Variants in APOB observed in about 807,000 individuals in gnomAD.
The protein encoded by APOB is apolipoprotein B-100.
Under a neutral mutation model 314.1 loss-of-function variants are expected in APOB, and 153 were observed. The observed-to-expected ratio is 0.49, with a 90% CI of 0.43 to 0.56. The LOEUF is 0.56. Ranked by LOEUF, APOB falls within the 20% of genes least tolerant of loss-of-function variation. The probability of loss-of-function intolerance (pLI) is 0.00; values close to 1 mark genes in which losing one functional copy is unlikely to be tolerated. For missense variants in APOB, 5,430 were observed against 5,350.7 expected (o/e 1.01, Z -0.46); for synonymous variants, 2,087 against 2,036.4 (o/e 1.02, Z -0.67).
Position 21,007,164 on chromosome 2 carries a change from G to C in APOB, c.9704C>G (p.Ala3235Gly), listed in dbSNP as rs1453802428. 6.2e-7 allele frequency: 1 copy of C among 1,613,894 alleles called. No individual in the cohort carries two copies. The highest frequency in any genetic ancestry group is 8.5e-7 in the Non-Finnish European group (1 of 1,179,922). The change falls in exon 26 of 29, where the codon GCT becomes GGT. Residue 3235 changes from alanine to glycine, a missense_variant. By Grantham distance (60) the Ala-to-Gly change is moderately conservative. Transcript: ENST00000233242. ...GGGGAGCTCGTCGTGAGATTTTTCAGCTTTGTACTTATCAAACTTAATTTT... is the reference window on the plus strand; with the variant it reads ...GGGGAGCTCGTCGTGAGATTTTTCACCTTTGTACTTATCAAACTTAATTTT... ...ETKIKFDKYK[A>G]EKSHDELPRT...
chr2:21,002,679 T>C lies in APOB; in HGVS notation c.12743A>G (p.Asp4248Gly). 6.2e-7 allele frequency: 1 copy of C among 1,613,824 alleles called. No individual in the cohort carries two copies. Residue 4248 changes from aspartate (D) to glycine (G), a missense_variant, in exon 29 of 29, where the codon GAC (aspartate) becomes GGC (glycine). This residue lies in a region of APOB where 3,281 missense variants were observed against 3,171.0 expected (regional missense o/e 1.03). Transcript: ENST00000233242. ...CTCGAAAGGAAGTGTAATCACTAGG[T>C]CTTGGAAATAGGAAAACAGTATTTC... ...GSEILFSYFQ[D>G]LVITLPFELR...
intron 25 of APOB, among the ~76,000 whole-genome samples, chr2:21,012,954 T>A (rs1464264761): frequency 6.6e-6 from 1 of 152,262 alleles, no homozygotes; most frequent in Non-Finnish European, 1.5e-5. Context: ...CTTATCTGTC[T>A]ACTTTCTGTT....
Position 21,006,810 on chromosome 2 carries a change from T to G in APOB, c.10058A>C (p.Asn3353Thr). ...ATCTGACTGGTTAAAAAGTTCAGCA[T>G]TGGTATTCAGTGTGATGACACTTGA... The part of the protein sequence containing the change: ...FKSSVITLNT[N>T]AELFNQSDIV... The change falls in exon 26 of 29, where the codon AAT becomes ACT. Residue 3353 changes from asparagine (N) to threonine (T), a missense_variant. Around this residue, in one of 3 missense-constraint regions of APOB, gnomAD observed 3,281 missense variants for 3,171.0 expected, o/e 1.03. Coordinates refer to ENST00000233242, the MANE Select transcript of APOB (RefSeq NM_000384.3). 1 of 1,614,062 alleles carries G rather than the reference T, an allele frequency of 6.2e-7. No homozygotes were observed. The highest frequency in any genetic ancestry group is 8.5e-7 in the Non-Finnish European group (1 of 1,179,952).
At chr2:21,031,091 C>T (rs1460083861) in intron 10 of APOB, among the ~76,000 whole-genome samples, 1 of 152,188 alleles carries the variant, frequency 6.6e-6, no homozygotes, top group Non-Finnish European at 1.5e-5. Context: ...ATCCAACAAT[C>T]CCATTACTGG....
Position 21,011,846 on chromosome 2 carries a change from C to T in APOB, c.5022G>A (p.Glu1674=), listed in dbSNP as rs367718499. 5.0e-5 allele frequency: 81 copies of T among 1,614,112 alleles called. No homozygotes were observed. Among genetic ancestry groups the T allele is most frequent in the Non-Finnish European group, 6.7e-5 (79 of 1,180,020 alleles). ...TCATAGATGCCCCAGAGAGGCCAAGCTCTGCATTCAGCTCATTCTCCAGCA... is the reference window on the plus strand; with the variant it reads ...TCATAGATGCCCCAGAGAGGCCAAGTTCTGCATTCAGCTCATTCTCCAGCA... ...LLVLENELNA[E]LGLSGASMKL... Residue 1674 remains glutamate, a synonymous_variant, in exon 26 of 29, where the codon GAG becomes GAA. Coordinates refer to ENST00000233242, the MANE Select transcript of APOB (RefSeq NM_000384.3).
At chr2:21,034,988 A>G (rs1433637188) in intron 7 of APOB, 87 bp from the exon 8 acceptor site, 1 of 797,778 alleles carries the variant, frequency 1.3e-6, no homozygotes, top group Non-Finnish European at 2.3e-6. Flanking sequence ...CTCTGCATCT[A>G]CCCAAGTCCT....
chr2:21,021,998 C>A (rs534393426), intron 18 of APOB, among the ~76,000 whole-genome samples: 8 of 152,280 alleles, frequency 5.3e-5, no homozygotes, highest in South Asian at 2.1e-4. Context: ...CTCTGTCTCC[C>A]AGGCTGGAGT....
intron 10 of APOB, among the ~76,000 whole-genome samples, chr2:21,030,376 T>C: frequency 6.6e-6 from 1 of 152,166 alleles, no homozygotes; most frequent in East Asian, 1.9e-4. Context: ...CAATAAGTGG[T>C]GCTGGGAAAG....
At chr2:21,025,450 CCCTGCTTAG>C (rs2103372631) in intron 15 of APOB, among the ~76,000 whole-genome samples, 1 of 152,254 alleles carries the variant, frequency 6.6e-6, no homozygotes, top group African/African-American at 2.4e-5. Flanking sequence ...CCCACCCGTT[CCCTGCTTAG>C]CCTTCTCTTC....
chr2:21,033,170 A>G lies in APOB; in HGVS notation c.1124+129T>C. 4.1e-6 allele frequency: 3 copies of G among 738,780 alleles called. No individual in the cohort carries two copies. In the East Asian group the frequency reaches 8.0e-5, roughly 20 times the overall value. The allele number at this position is 738,780 out of a possible 1,614,324, so 45.8% of individuals were successfully genotyped here. On this transcript the variant is annotated intron_variant, in intron 9 of 28. Coordinates refer to ENST00000233242, the MANE Select transcript of APOB (RefSeq NM_000384.3). ...ATAGTTCTCTATCCAGCAATCATGA[A>G]CTGATTGACTAATTGATTAACTGGA...
chr2:21,038,712 C>G (rs1664064561), intron 4 of APOB, among the ~76,000 whole-genome samples: 1 of 152,190 alleles, frequency 6.6e-6, no homozygotes, highest in African/African-American at 2.4e-5. Flanking sequence ...GCCCATCCTC[C>G]CCATACGGAC....
intron 15 of APOB, 143 bp downstream of exon 15, chr2:21,026,645 C>T (rs1187244994): frequency 1.4e-6 from 1 of 731,934 alleles, no homozygotes; most frequent in Non-Finnish European, 2.4e-6. Flanking sequence ...GATACTGGCC[C>T]TTACCCCAGC....
Position 21,019,857 on chromosome 2 carries a change from A to G in APOB, c.2865T>C (p.Pro955=). Residue 955 remains proline (P), a synonymous_variant, in exon 19 of 29, where the codon CCT becomes CCC. Coordinates refer to ENST00000233242, the MANE Select transcript of APOB (RefSeq NM_000384.3). Reference sequence around the variant, plus strand: ...ACCAGGACTGCCTGTTCTCAATGAGAGGTGGGATCACCTCCGTTTTGGTGG... The same window carrying G: ...ACCAGGACTGCCTGTTCTCAATGAGGGGTGGGATCACCTCCGTTTTGGTGG... ...VSTTKTEVIP[P]LIENRQSWSV... is the part of the protein sequence containing the mutation. The G allele has an allele frequency of 6.2e-7, 1 of 1,614,146 alleles. No individual in the cohort carries two copies. The highest frequency in any genetic ancestry group is 1.3e-5 in the African/African-American group (1 of 75,024).
chr2:21,022,749 T>G, intron 18 of APOB, 82 bp downstream of exon 18: 1 of 1,322,658 alleles, frequency 7.6e-7, no homozygotes, highest in Admixed American at 1.8e-5. Flanking sequence ...CTCAATCAAC[T>G]GTTTAGCCTG....
At chr2:21,014,656 A>T in intron 23 of APOB, 63 bp from the exon 24 acceptor site, 1 of 1,566,848 alleles carries the variant, frequency 6.4e-7, no homozygotes, top group Non-Finnish European at 8.8e-7. Flanking sequence ...AGCAATGAAC[A>T]TTAGGCAAAA....
rs922055613 is a variant in APOB, at chr2:21,035,604, G to C, written c.798C>G (p.Leu266=). The part of the protein sequence containing the change: ...VAEAICKEQH[L]FLPFSYKNKY... ...CCTACTTGTAGGAGAAAGGCAGGAA[G>C]AGGTGTTGCTCCTTGCAGATGGCTT... The change falls in exon 7 of 29, where the codon CTC becomes CTG. Residue 266 remains leucine (L), a synonymous_variant. Coordinates refer to ENST00000233242, the MANE Select transcript of APOB (RefSeq NM_000384.3). 3 of 1,614,034 alleles carry C rather than the reference G, an allele frequency of 1.9e-6. No homozygotes were observed. Among genetic ancestry groups the C allele is most frequent in the African/African-American group, 2.7e-5 (2 of 74,946 alleles).
chr2:21,028,133 G>A (rs1169038420), intron 13 of APOB, 68 bp from the exon 14 acceptor site: 2 of 1,266,434 alleles, frequency 1.6e-6, no homozygotes, highest in South Asian at 2.4e-5. Flanking sequence ...TGCACCCCAA[G>A]TAAATATGGA....
Position 21,007,036 on chromosome 2 carries a change from C to G in APOB, c.9832G>C (p.Val3278Leu). The change falls in exon 26 of 29, where the codon GTC (valine) becomes CTC (leucine). Residue 3278 changes from valine to leucine, a missense_variant. By Grantham distance (32) the Val-to-Leu change is conservative. Around this residue, in one of 3 missense-constraint regions of APOB, gnomAD observed 3,281 missense variants for 3,171.0 expected, o/e 1.03. Coordinates refer to ENST00000233242, the MANE Select transcript of APOB (RefSeq NM_000384.3). Reference sequence around the variant, plus strand: ...AGGATGGAGAAACTAGGCATGCTGACTGCTTTTGGGAACACATAGCCGAAT... The same window carrying G: ...AGGATGGAGAAACTAGGCATGCTGAGTGCTTTTGGGAACACATAGCCGAAT... ...SAFGYVFPKAVSMPSFSILGS... is the reference protein window; with the variant it reads ...SAFGYVFPKALSMPSFSILGS... The G allele has an allele frequency of 6.2e-7, 1 of 1,614,016 alleles. No individual in the cohort carries two copies. The highest frequency in any genetic ancestry group is 8.5e-7 in the Non-Finnish European group (1 of 1,179,956).
Position 21,009,457 on chromosome 2 carries a change from C to G in APOB, c.7411G>C (p.Glu2471Gln), listed in dbSNP as rs773694848. ...QKAEALKLFL[E>Q]ETKATVAVYL... ...ACTGCAACTGTGGCCTTGGTTTCCT[C>G]TAAAAACAGTTTTAATGCTTCAGCT... Residue 2471 changes from glutamate (E) to glutamine (Q), a missense_variant, in exon 26 of 29, where the codon GAG (glutamate) becomes CAG (glutamine). Coordinates refer to ENST00000233242, the MANE Select transcript of APOB (RefSeq NM_000384.3). The G allele has an allele frequency of 6.2e-7, 1 of 1,614,052 alleles. No individual in the cohort carries two copies. Among genetic ancestry groups the G allele is most frequent in the Admixed American group, 1.7e-5 (1 of 60,000 alleles).
Sources: allele counts gnomAD v4.1 joint callset (sites outside exome capture counted in the v4.1 genomes callset), GRCh38; gene constraint gnomAD v4.1.1; regional missense constraint gnomAD v4.1.1; transcripts MANE v1.5; gene names NCBI Gene and HGNC (gene_info 2026-07-23, HGNC 2026-07-21).